The following GRM8 variants were observed in gnomAD, a reference collection of about 807,000 sequenced individuals.
GRM8 encodes glutamate metabotropic receptor 8.
In GRM8, 47 loss-of-function variants were observed where a neutral mutation model predicts 87.2. The ratio of observed to expected loss-of-function variants is 0.54; its 90% CI spans 0.43 to 0.69. The LOEUF is 0.69. Ranked by LOEUF, GRM8 falls within the 30% of genes least tolerant of loss-of-function variation. The pLI, the probability that GRM8 is intolerant of heterozygous loss-of-function variation, is 0.00. For missense variants in GRM8, 1,019 were observed against 1,139.2 expected, an observed-to-expected ratio of 0.89 and a Z score of 1.52; for synonymous variants, 396 against 404.5, an observed-to-expected ratio of 0.98 and a Z score of 0.25.
chr7:126,954,685 G>T (rs1808497891), intron 3 of GRM8, among the ~76,000 whole-genome samples: 1 of 152,098 alleles, frequency 6.6e-6, no homozygotes, highest in African/African-American at 2.4e-5. Context: ...TCTGTCAACT[G>T]AGATAATAAT....
At chr7:126,819,312 T>C (rs1229286349) in intron 6 of GRM8, among the ~76,000 whole-genome samples, 1 of 85,482 alleles carries the variant, frequency 1.2e-5, no homozygotes, top group Admixed American at 1.2e-4. Flanking sequence ...ACGCGCAAAC[T>C]CCACATTAAC....
intron 9 of GRM8, among the ~76,000 whole-genome samples, chr7:126,510,395 T>C (rs1811156359): frequency 6.6e-6 from 1 of 151,972 alleles, no homozygotes; most frequent in Admixed American, 6.6e-5. Context: ...GAGATCTATC[T>C]AATCTAGTTC....
intron 7 of GRM8, among the ~76,000 whole-genome samples, chr7:126,762,409 G>GA (rs1433037465): frequency 6.6e-6 from 1 of 151,188 alleles, no homozygotes; most frequent in South Asian, 2.1e-4. Context: ...AGAACTAGGG[G>GA]AAAAAAACCT....
intron 3 of GRM8, among the ~76,000 whole-genome samples, chr7:127,087,807 A>G (rs952490118): frequency 2.0e-5 from 3 of 152,184 alleles, no homozygotes; most frequent in African/African-American, 7.2e-5. Flanking sequence ...AAAAATTTAA[A>G]ATTTTAAAAT....
chr7:127,144,693 T>C (rs1230931070), intron 2 of GRM8, among the ~76,000 whole-genome samples: 1 of 152,126 alleles, frequency 6.6e-6, no homozygotes, highest in African/African-American at 2.4e-5. Flanking sequence ...TTCATTATCT[T>C]TTAGTCTGTT....
chr7:126,941,935 C>CA (rs770995420), intron 3 of GRM8, among the ~76,000 whole-genome samples: 5 of 152,134 alleles, frequency 3.3e-5, no homozygotes, highest in Non-Finnish European at 5.9e-5. Flanking sequence ...TTTCTTTAAA[C>CA]AACAAAAATT....
chr7:127,057,642 T>C lies in GRM8; in HGVS notation c.727+48854A>G, dbSNP rs147433538. Among the ~76,000 whole-genome samples, 275 of 152,342 alleles carry C rather than the reference T, an allele frequency of 1.8e-3. 2 individuals are homozygous for C. The highest frequency in any genetic ancestry group is 5.9e-3 in the African/African-American group (245 of 41,580). On this transcript the variant is annotated intron_variant, in intron 3 of 10. Coordinates refer to ENST00000339582, the MANE Select transcript of GRM8 (RefSeq NM_000845.3). ...AGTGCAAGATTATTGTTATAAAATGTATGCCCAGAAAAGATATTAGTTACA... is the reference window on the plus strand; with the variant it reads ...AGTGCAAGATTATTGTTATAAAATGCATGCCCAGAAAAGATATTAGTTACA...
At chr7:126,903,100 T>C (rs547396165) in intron 5 of GRM8, among the ~76,000 whole-genome samples, 5 of 152,318 alleles carry the variant, frequency 3.3e-5, no homozygotes, top group South Asian at 4.1e-4. Context: ...TGTTTCCACA[T>C]ACTTCAAAAT....
At chr7:126,550,678 A>G (rs1212810665) in intron 8 of GRM8, among the ~76,000 whole-genome samples, 1 of 152,212 alleles carries the variant, frequency 6.6e-6, no homozygotes, top group East Asian at 1.9e-4. Context: ...ATCTGTACTT[A>G]TAACAAAAAT....
chr7:126,636,621 C>A (rs1801885469), intron 7 of GRM8, among the ~76,000 whole-genome samples: 1 of 151,966 alleles, frequency 6.6e-6, no homozygotes, highest in African/African-American at 2.4e-5. Context: ...TCTGCAACCC[C>A]CTTTTATCTG....
At position 126,900,034 on chromosome 7, in the gene GRM8, A is replaced by G. The variant is rs541586115; in HGVS notation, c.1156+2508T>C. On this transcript the variant is annotated intron_variant, in intron 6 of 10. Coordinates refer to ENST00000339582, the MANE Select transcript of GRM8 (RefSeq NM_000845.3). ...TCCTTCCCCCAAGCCCAGCATTCTC[A>G]GTGTCCTTTCCTGGTTCCTGCCCTT... 2.8e-3 allele frequency among the ~76,000 whole-genome samples: 433 copies of G among 152,164 alleles called. 1 individual carries two copies. The highest frequency in any genetic ancestry group is 4.8e-3 in the Non-Finnish European group (327 of 68,010).
chr7:127,209,533 CAG>C (rs1796097575), intron 2 of GRM8, among the ~76,000 whole-genome samples: 1 of 152,186 alleles, frequency 6.6e-6, no homozygotes, highest in Admixed American at 6.5e-5. Flanking sequence ...GAGCTAGAGT[CAG>C]AGTTTCCAGG....
At chr7:126,970,304 T>C (rs1810287774) in intron 3 of GRM8, among the ~76,000 whole-genome samples, 1 of 152,220 alleles carries the variant, frequency 6.6e-6, no homozygotes, top group Non-Finnish European at 1.5e-5. Flanking sequence ...CTGCTTTGTC[T>C]ACATTGAAAA....
intron 3 of GRM8, among the ~76,000 whole-genome samples, chr7:126,938,194 TC>T (rs1806539076): frequency 6.6e-6 from 1 of 152,172 alleles, no homozygotes; most frequent in African/African-American, 2.4e-5. Flanking sequence ...CTTCCCCTTC[TC>T]TGTCCCTTCC....
intron 2 of GRM8, among the ~76,000 whole-genome samples, chr7:127,192,180 C>T (rs10275772): frequency 0.014 from 2,204 of 152,258 alleles, 43 homozygotes; most frequent in African/African-American, 0.049. Context: ...ATGTGAAATA[C>T]CTTTTCAAAT....
intron 7 of GRM8, among the ~76,000 whole-genome samples, chr7:126,754,648 TTTTA>T (rs1197227787): frequency 1.3e-4 from 20 of 151,932 alleles, no homozygotes; most frequent in Non-Finnish European, 2.8e-4. Context: ...ATTTTATTCT[TTTTA>T]TTTATTTCTT....
intron 3 of GRM8, among the ~76,000 whole-genome samples, chr7:126,954,804 C>T (rs1808509834): frequency 6.6e-6 from 1 of 152,070 alleles, no homozygotes; most frequent in Non-Finnish European, 1.5e-5. Flanking sequence ...GTAATTACTG[C>T]AGTATTACTG....
chr7:126,626,242 A>G (rs1800677885), intron 7 of GRM8, among the ~76,000 whole-genome samples: 1 of 152,094 alleles, frequency 6.6e-6, no homozygotes, highest in Non-Finnish European at 1.5e-5. Flanking sequence ...GATTTACAAG[A>G]GTCACATTTA....
chr7:126,837,853 G>A (rs1451552881), intron 6 of GRM8, among the ~76,000 whole-genome samples: 1 of 152,204 alleles, frequency 6.6e-6, no homozygotes, highest in Non-Finnish European at 1.5e-5. Flanking sequence ...AAAAACCAAG[G>A]TGATGAACTA....
Sources: allele counts gnomAD v4.1 joint callset (sites outside exome capture counted in the v4.1 genomes callset), GRCh38; gene constraint gnomAD v4.1.1; transcripts MANE v1.5; gene names NCBI Gene and HGNC (gene_info 2026-07-23, HGNC 2026-07-21).